The following SGCZ variants were observed in gnomAD, a reference collection of about 807,000 sequenced individuals.
SGCZ encodes the protein zeta-sarcoglycan.
A neutral mutation model predicts 41.3 loss-of-function variants in SGCZ; 40 were observed. That is an observed-to-expected ratio of 0.97 (90% CI 0.75 to 1.26). The LOEUF (loss-of-function observed/expected upper bound fraction) is 1.26. Ranked by LOEUF, SGCZ falls within the 50% of genes most tolerant of loss-of-function variation. The pLI, the probability that SGCZ is intolerant of heterozygous loss-of-function variation, is 0.00. For synonymous variants in SGCZ, 206 were observed against 137.5 expected (o/e 1.50, Z -3.49); for missense variants, 552 against 369.8 (o/e 1.49, Z -4.04).
chr8:14,722,884 C>A (rs764367267), intron 1 of SGCZ, among the ~76,000 whole-genome samples: 7 of 152,036 alleles, frequency 4.6e-5, no homozygotes, highest in Non-Finnish European at 7.4e-5. Context: ...AAATAAAATG[C>A]GTTCCATTTC....
Position 14,240,053 on chromosome 8 carries a change from G to A in SGCZ, c.337-2374C>T, listed in dbSNP as rs148551500. ...TTAGAATGGAAAGTTTAGTCCGGGC[G>A]TGGTGGCTGACACCTGCAATCTCGG... On this transcript the variant is annotated intron_variant, in intron 3 of 7. Transcript: ENST00000382080. Among the ~76,000 whole-genome samples, 533 of 152,022 alleles carry A rather than the reference G, an allele frequency of 3.5e-3. 2 individuals carry two copies. The highest frequency in any genetic ancestry group is 5.8e-3 in the South Asian group (28 of 4,816).
chr8:15,206,408 G>T (rs190966549), intron 1 of SGCZ, among the ~76,000 whole-genome samples: 1 of 150,190 alleles, frequency 6.7e-6, no homozygotes, highest in East Asian at 2.0e-4. Flanking sequence ...ATTTTAAGAA[G>T]AAAAATAAAG....
At chr8:14,245,752 A>C (rs1799064278) in intron 3 of SGCZ, among the ~76,000 whole-genome samples, 1 of 152,210 alleles carries the variant, frequency 6.6e-6, no homozygotes, top group Non-Finnish European at 1.5e-5. Flanking sequence ...TTTACAAAAA[A>C]AACCACAAAC....
intron 2 of SGCZ, among the ~76,000 whole-genome samples, chr8:14,517,857 T>G (rs1053043920): frequency 6.6e-6 from 1 of 151,768 alleles, no homozygotes; most frequent in Non-Finnish European, 1.5e-5. Flanking sequence ...TATGTAGTAT[T>G]ATCATATTTT....
Position 14,483,972 on chromosome 8 carries a change from C to T in SGCZ, c.234+70760G>A, listed in dbSNP as rs530291461. On this transcript the variant is annotated intron_variant, in intron 2 of 7. Coordinates refer to ENST00000382080, the MANE Select transcript of SGCZ (RefSeq NM_139167.4). ...AGATAATTTTCTTCTCTCTACTTGG[C>T]ATCCAGCCCATGAAAATCCAACTTT... Among the ~76,000 whole-genome samples the T allele has an allele frequency of 1.1e-4, 16 of 152,222 alleles. No individual in the cohort carries two copies. The South Asian group carries it at 2.7e-3, about 26-fold the overall frequency.
intron 1 of SGCZ, among the ~76,000 whole-genome samples, chr8:14,834,672 A>C (rs1351276490): frequency 6.6e-6 from 1 of 152,320 alleles, no homozygotes; most frequent in East Asian, 1.9e-4. Flanking sequence ...TTCTGCTCAA[A>C]TTTTGCTGGG....
At chr8:14,642,068 C>T (rs928915054) in intron 1 of SGCZ, among the ~76,000 whole-genome samples, 1 of 151,560 alleles carries the variant, frequency 6.6e-6, no homozygotes, top group African/African-American at 2.4e-5. Context: ...TTAGTTTGTA[C>T]AATTCACCTG....
rs36121697 is a variant in SGCZ, at chr8:14,408,950, A to AGTGTGTGT, written c.235-84747_235-84746insACACACAC. Among the ~76,000 whole-genome samples, 661 of 126,416 alleles carry AGTGTGTGT rather than the reference A, an allele frequency of 5.2e-3. 3 individuals carry two copies. Among genetic ancestry groups the AGTGTGTGT allele is most frequent in the Admixed American group, 0.013 (162 of 12,594 alleles). 82.9% of individuals were successfully genotyped at this position (126,416 alleles called of 152,430 possible). ...AAAGCTAACACATTTTTAAATTAAG[A>AGTGTGTGT]GAGTGTGTGTGTGTGTGTGTGCATG... On this transcript the variant is annotated intron_variant, in intron 2 of 7. Transcript: ENST00000382080.
chr8:15,175,698 T>C (rs2117074560), intron 1 of SGCZ, among the ~76,000 whole-genome samples: 1 of 151,934 alleles, frequency 6.6e-6, no homozygotes, highest in South Asian at 2.1e-4. Flanking sequence ...AACCTAAACA[T>C]AAACATAAAA....
chr8:15,195,598 C>T (rs1800697451), intron 1 of SGCZ, among the ~76,000 whole-genome samples: 1 of 152,116 alleles, frequency 6.6e-6, no homozygotes, highest in Non-Finnish European at 1.5e-5. Context: ...AGAGTCCGTG[C>T]CTGATTGGAG....
chr8:15,019,779 T>G (rs7815606), intron 1 of SGCZ, among the ~76,000 whole-genome samples: 24,699 of 150,294 alleles, frequency 0.16, 2,492 homozygotes, highest in African/African-American at 0.27. Context: ...CATCAATTGA[T>G]TTAGATCTCA....
chr8:14,251,660 G>A (rs1167388778), intron 3 of SGCZ, among the ~76,000 whole-genome samples: 1 of 152,006 alleles, frequency 6.6e-6, no homozygotes, highest in African/African-American at 2.4e-5. Flanking sequence ...TAAAAACATT[G>A]TTTTTAATAA....
intron 1 of SGCZ, among the ~76,000 whole-genome samples, chr8:14,980,863 C>G (rs1384098833): frequency 6.6e-6 from 1 of 151,920 alleles, no homozygotes; most frequent in Non-Finnish European, 1.5e-5. Flanking sequence ...CTCTATCTAT[C>G]TTTTATCTAT....
chr8:15,090,864 A>C (rs900396696), intron 1 of SGCZ, among the ~76,000 whole-genome samples: 7 of 152,218 alleles, frequency 4.6e-5, no homozygotes, highest in African/African-American at 1.7e-4. Context: ...AATTAAAATT[A>C]TAATCTTCCA....
intron 1 of SGCZ, among the ~76,000 whole-genome samples, chr8:15,235,306 A>G (rs1236010136): frequency 6.6e-6 from 1 of 152,222 alleles, no homozygotes; most frequent in Non-Finnish European, 1.5e-5. Flanking sequence ...CAAAACTGCC[A>G]ACATAAATTT....
chr8:14,996,394 T>C (rs1168908051), intron 1 of SGCZ, among the ~76,000 whole-genome samples: 5 of 152,098 alleles, frequency 3.3e-5, no homozygotes, highest in Non-Finnish European at 7.4e-5. Flanking sequence ...CTGATGATAT[T>C]TTATTTTGTT....
chr8:15,008,174 T>G (rs1312169597), intron 1 of SGCZ, among the ~76,000 whole-genome samples: 5 of 152,142 alleles, frequency 3.3e-5, no homozygotes, highest in Admixed American at 6.5e-5. Context: ...TGCACCTACT[T>G]GAAGCACTCA....
chr8:14,800,943 G>A (rs1285281669), intron 1 of SGCZ, among the ~76,000 whole-genome samples: 1 of 152,084 alleles, frequency 6.6e-6, no homozygotes, highest in African/African-American at 2.4e-5. Flanking sequence ...TTTATCTTCT[G>A]CACATGTTAG....
chr8:14,139,748 C>A (rs1222444723), intron 5 of SGCZ, among the ~76,000 whole-genome samples: 1 of 152,154 alleles, frequency 6.6e-6, no homozygotes, highest in African/African-American at 2.4e-5. Context: ...CCAAACACTA[C>A]CAGAGGTACA....
Sources: allele counts gnomAD v4.1 joint callset (sites outside exome capture counted in the v4.1 genomes callset), GRCh38; gene constraint gnomAD v4.1.1; transcripts MANE v1.5; gene names NCBI Gene and HGNC (gene_info 2026-07-23, HGNC 2026-07-21).